TCF7L1: variants seen among roughly 807,000 people sequenced by gnomAD.
TCF7L1 encodes the protein transcription factor 7 like 1.
Under a neutral mutation model 63.7 loss-of-function variants are expected in TCF7L1, and 18 were observed. The ratio of observed to expected loss-of-function variants is 0.28; its 90% CI spans 0.20 to 0.42. TCF7L1 has a LOEUF of 0.42. Ranked by LOEUF, TCF7L1 falls within the 10% of genes least tolerant of loss-of-function variation. The pLI is 1.00. For missense variants in TCF7L1, 654 were observed against 779.3 expected (o/e 0.84, Z 1.91); for synonymous variants, 355 against 340.9 (o/e 1.04, Z -0.46).
chr2:85,164,529 G>T (rs531473587), intron 3 of TCF7L1, among the ~76,000 whole-genome samples: 1 of 152,162 alleles, frequency 6.6e-6, no homozygotes, highest in African/African-American at 2.4e-5. Flanking sequence ...AGGAGGAGGC[G>T]TTCCATTCCC....
intron 3 of TCF7L1, among the ~76,000 whole-genome samples, chr2:85,272,866 G>T (rs1681183180): frequency 6.6e-6 from 1 of 152,240 alleles, no homozygotes. Flanking sequence ...AGAACCTGCA[G>T]CCACAGGGCA....
intron 3 of TCF7L1, among the ~76,000 whole-genome samples, chr2:85,200,115 G>T (rs185175370): frequency 6.6e-6 from 1 of 152,222 alleles, no homozygotes; most frequent in Admixed American, 6.5e-5. Flanking sequence ...ATATCCCATC[G>T]TGTGGATATC....
At chr2:85,302,352 C>T in intron 4 of TCF7L1, 132 bp from the exon 5 acceptor site, 3 of 1,264,370 alleles carry the variant, frequency 2.4e-6, no homozygotes, top group Non-Finnish European at 3.4e-6. Context: ...TGTCATCTCT[C>T]AGGGACTGTT....
intron 3 of TCF7L1, among the ~76,000 whole-genome samples, chr2:85,273,864 G>A (rs763435112): frequency 4.6e-5 from 7 of 152,252 alleles, no homozygotes; most frequent in South Asian, 2.1e-4. Flanking sequence ...GCAGAGTGGC[G>A]TGGGTGGGTA....
chr2:85,215,446 A>C (rs1679677022), intron 3 of TCF7L1, among the ~76,000 whole-genome samples: 1 of 152,174 alleles, frequency 6.6e-6, no homozygotes, highest in South Asian at 2.1e-4. Flanking sequence ...CTTTTCCTAC[A>C]GTTGGGTGGG....
At chr2:85,202,779 A>G (rs771444634) in intron 3 of TCF7L1, among the ~76,000 whole-genome samples, 4 of 152,198 alleles carry the variant, frequency 2.6e-5, no homozygotes, top group South Asian at 2.1e-4. Flanking sequence ...GTGAGGTTCA[A>G]TTGAGAGATA....
At chr2:85,301,560 G>A (rs1018625628) in intron 4 of TCF7L1, among the ~76,000 whole-genome samples, 1 of 151,306 alleles carries the variant, frequency 6.6e-6, no homozygotes, top group Admixed American at 6.6e-5. Context: ...TGTGTCTGTG[G>A]CGTGCCAGCG....
At chr2:85,191,623 G>A (rs1015933045) in intron 3 of TCF7L1, among the ~76,000 whole-genome samples, 6 of 152,048 alleles carry the variant, frequency 3.9e-5, no homozygotes, top group African/African-American at 2.4e-5. Flanking sequence ...TCAGGAGTTC[G>A]AGACCAGCCT....
chr2:85,231,701 T>A (rs1203732346), intron 3 of TCF7L1, among the ~76,000 whole-genome samples: 1 of 152,178 alleles, frequency 6.6e-6, no homozygotes, highest in Admixed American at 6.5e-5. Context: ...CAAAAGTTAT[T>A]GTCCACATGT....
intron 3 of TCF7L1, among the ~76,000 whole-genome samples, chr2:85,226,706 C>G (rs1488308966): frequency 1.3e-5 from 2 of 152,172 alleles, no homozygotes; most frequent in African/African-American, 2.4e-5. Context: ...CTAAAACTGT[C>G]CTGTGATCCC....
intron 3 of TCF7L1, among the ~76,000 whole-genome samples, chr2:85,282,355 T>C (rs1681438062): frequency 6.6e-6 from 1 of 152,032 alleles, no homozygotes; most frequent in African/African-American, 2.4e-5. Context: ...CTCAAAGGAG[T>C]CTCAAGAATT....
chr2:85,262,525 G>A (rs1001565468), intron 3 of TCF7L1, among the ~76,000 whole-genome samples: 3 of 152,178 alleles, frequency 2.0e-5, no homozygotes, highest in African/African-American at 7.2e-5. Flanking sequence ...CTGCTGTCAA[G>A]TCCAGGGTAA....
chr2:85,303,827 A>G, intron 5 of TCF7L1, 68 bp from the exon 6 acceptor site: 1 of 1,242,844 alleles, frequency 8.0e-7, no homozygotes, highest in South Asian at 1.3e-5. Context: ...GGATGCTCCC[A>G]TTTGATGTTC....
chr2:85,286,457 G>A (rs1385669867), intron 4 of TCF7L1, among the ~76,000 whole-genome samples: 1 of 152,074 alleles, frequency 6.6e-6, no homozygotes. Flanking sequence ...AGGGAGGATT[G>A]CTTGAGGCCA....
At position 85,307,509 on chromosome 2, in the gene TCF7L1, A is replaced by C. The variant is rs558667851; in HGVS notation, c.1258-133A>C. 330 of 690,574 alleles carry C rather than the reference A, an allele frequency of 4.8e-4. 7 individuals are homozygous for C. The Admixed American group carries it at 6.5e-3, about 14-fold the overall frequency. 42.8% of individuals were successfully genotyped at this position (690,574 alleles called of 1,614,324 possible). On this transcript the variant is annotated intron_variant, in intron 10 of 11. Coordinates refer to ENST00000282111, the MANE Select transcript of TCF7L1 (RefSeq NM_031283.3). ...GGCTCCCACGGCTGTGATCTGAATT[A>C]TCTCTCCACACTCTCCCTGAGGGAT...
At chr2:85,183,190 T>G (rs113151696) in intron 3 of TCF7L1, among the ~76,000 whole-genome samples, 7 of 152,250 alleles carry the variant, frequency 4.6e-5, no homozygotes, top group African/African-American at 1.7e-4. Flanking sequence ...CCTGAAATAC[T>G]AGATATCAAA....
chr2:85,208,677 G>T (rs1290294893), intron 3 of TCF7L1, among the ~76,000 whole-genome samples: 1 of 152,302 alleles, frequency 6.6e-6, no homozygotes, highest in African/African-American at 2.4e-5. Context: ...ACCAGGTTTA[G>T]TGGAAGAGGG....
intron 3 of TCF7L1, among the ~76,000 whole-genome samples, chr2:85,247,444 C>T (rs1029255700): frequency 2.0e-5 from 3 of 152,204 alleles, no homozygotes; most frequent in Admixed American, 6.5e-5. Context: ...GAATCTCTTC[C>T]AATGAGACCT....
chr2:85,158,615 C>T (rs908153350), intron 3 of TCF7L1, among the ~76,000 whole-genome samples: 6 of 152,156 alleles, frequency 3.9e-5, no homozygotes, highest in Admixed American at 6.5e-5. Flanking sequence ...AGGTTAGTTT[C>T]GGAGGTGTGA....
Sources: gnomAD v4.1 joint callset for allele counts (sites outside exome capture counted in the v4.1 genomes callset) on GRCh38, gnomAD v4.1.1 for gene constraint, MANE v1.5 for transcripts, NCBI Gene and HGNC (gene_info 2026-07-23, HGNC 2026-07-21) for gene names.